The following MAF variants were observed in gnomAD, a reference collection of about 807,000 sequenced individuals.
MAF encodes the protein transcription factor Maf.
In MAF, 10 loss-of-function variants were observed where a neutral mutation model predicts 22.0. The ratio of observed to expected loss-of-function variants is 0.45; its 90% CI spans 0.28 to 0.77. MAF has a LOEUF of 0.77. Among genes scored for constraint, MAF ranks in the 30% least tolerant of loss-of-function variants. The pLI, the probability that MAF is intolerant of heterozygous loss-of-function variation, is 0.12. For missense variants in MAF, 544 were observed against 548.4 expected (o/e 0.99, Z 0.08); for synonymous variants, 337 against 255.8 (o/e 1.32, Z -3.03).
the MAF span, among the ~76,000 whole-genome samples, chr16:79,380,823 G>A: frequency 8.5e-5 from 13 of 152,240 alleles, no homozygotes; most frequent in South Asian, 2.1e-4. Context: ...TACAGCTGTG[G>A]TATTACTCTG....
chr16:79,502,708 AAT>A, the MAF span, among the ~76,000 whole-genome samples: 100 of 33,948 alleles, frequency 2.9e-3, no homozygotes, highest in Admixed American at 6.4e-3. Flanking sequence ...TATAAATATA[AAT>A]ATATATATAT....
the MAF span, among the ~76,000 whole-genome samples, chr16:79,224,512 C>A: frequency 6.6e-6 from 1 of 151,974 alleles, no homozygotes. Flanking sequence ...CTGGCCAGGA[C>A]AATCAGACAA....
intron 1 of MAF, chr16:79,597,722 G>A: frequency 9.8e-7 from 1 of 1,018,266 alleles, no homozygotes; most frequent in Non-Finnish European, 1.2e-6. Flanking sequence ...CATGCTATAA[G>A]TCTTCGAACG....
At chr16:79,521,314 G>C in the MAF span, among the ~76,000 whole-genome samples, 1 of 152,216 alleles carries the variant, frequency 6.6e-6, no homozygotes, top group African/African-American at 2.4e-5. Flanking sequence ...ATTGTCCTCA[G>C]TTTCAACCAC....
the MAF span, among the ~76,000 whole-genome samples, chr16:79,463,064 GT>G: frequency 2.0e-5 from 3 of 152,174 alleles, no homozygotes; most frequent in African/African-American, 7.2e-5. Context: ...AATAAGAATG[GT>G]GGCCCCATAA....
At chr16:79,212,374 C>T in the MAF span, 1 of 512,624 alleles carries the variant, frequency 2.0e-6, no homozygotes, top group Non-Finnish European at 3.4e-6. Flanking sequence ...GTAGAATACG[C>T]AGAACTACCA....
At chr16:79,576,084 A>C in the MAF span, among the ~76,000 whole-genome samples, 1 of 152,296 alleles carries the variant, frequency 6.6e-6, no homozygotes, top group Admixed American at 6.5e-5. Flanking sequence ...TACCCTCATA[A>C]GGTTTTCTTA....
chr16:79,342,897 G>A, the MAF span, among the ~76,000 whole-genome samples: 799 of 152,158 alleles, frequency 5.3e-3, 3 homozygotes, highest in Non-Finnish European at 9.1e-3. Context: ...CCTCCAAAGC[G>A]TTCGTTCTTA....
the MAF span, among the ~76,000 whole-genome samples, chr16:79,356,201 T>C: frequency 2.0e-5 from 3 of 151,816 alleles, no homozygotes; most frequent in Non-Finnish European, 4.4e-5. Context: ...CACACACACA[T>C]GCACTCACAC....
At chr16:79,241,388 T>C in the MAF span, among the ~76,000 whole-genome samples, 1 of 152,066 alleles carries the variant, frequency 6.6e-6, no homozygotes, top group Non-Finnish European at 1.5e-5. Context: ...GAGAACTTCA[T>C]GAAGCATACA....
chr16:79,555,340 T>C, the MAF span, among the ~76,000 whole-genome samples: 1 of 152,234 alleles, frequency 6.6e-6, no homozygotes, highest in Admixed American at 6.5e-5. Flanking sequence ...CTTTACAGTT[T>C]GAAGTGTCAG....
At chr16:79,299,581 C>A in the MAF span, among the ~76,000 whole-genome samples, 3 of 152,094 alleles carry the variant, frequency 2.0e-5, no homozygotes, top group East Asian at 1.9e-4. Flanking sequence ...GGTCTGCCCC[C>A]ACCCCTCAAC....
the MAF span, among the ~76,000 whole-genome samples, chr16:79,562,184 C>A: frequency 3.9e-5 from 6 of 152,164 alleles, no homozygotes; most frequent in Non-Finnish European, 8.8e-5. Flanking sequence ...ATTCAGACCA[C>A]GTCTAGTCAC....
chr16:79,470,168 CA>C, the MAF span, among the ~76,000 whole-genome samples: 1 of 152,198 alleles, frequency 6.6e-6, no homozygotes, highest in African/African-American at 2.4e-5. Context: ...AAAAATGTCC[CA>C]ATAGATCACA....
chr16:79,420,636 T>C, the MAF span, among the ~76,000 whole-genome samples: 1 of 152,240 alleles, frequency 6.6e-6, no homozygotes, highest in African/African-American at 2.4e-5. Flanking sequence ...GGGTTCACTT[T>C]AGCTGTTGCT....
At chr16:79,542,159 C>T in the MAF span, among the ~76,000 whole-genome samples, 10 of 152,136 alleles carry the variant, frequency 6.6e-5, no homozygotes, top group Admixed American at 1.3e-4. Flanking sequence ...TGCTGGGACA[C>T]GGGGCTCCTG....
At chr16:79,581,622 G>T (rs1912522981), downstream of MAF, among the ~76,000 whole-genome samples, 1 of 152,126 alleles carries the variant, frequency 6.6e-6, no homozygotes, top group Admixed American at 6.5e-5. Context: ...AACTTACTGT[G>T]CTTTTCAATA....
At chr16:79,395,477 AGG>A in the MAF span, among the ~76,000 whole-genome samples, 2 of 152,128 alleles carry the variant, frequency 1.3e-5, no homozygotes, top group South Asian at 2.1e-4. Flanking sequence ...ATAATGGAGG[AGG>A]GTGGGTCCTA....
the MAF span, among the ~76,000 whole-genome samples, chr16:79,428,861 T>A: frequency 6.7e-6 from 1 of 150,302 alleles, no homozygotes; most frequent in Non-Finnish European, 1.5e-5. Flanking sequence ...ATAATAATAA[T>A]AATAATAATA....
Sources: gnomAD v4.1 joint callset for allele counts (sites outside exome capture counted in the v4.1 genomes callset) on GRCh38, gnomAD v4.1.1 for gene constraint, MANE v1.5 for transcripts, NCBI Gene and HGNC (gene_info 2026-07-23, HGNC 2026-07-21) for gene names.